The following SH3D21 variants were observed in gnomAD, a reference collection of about 807,000 sequenced individuals.
SH3D21 encodes the protein manchette microtubule inner protein 1.
Under a neutral mutation model 82.1 loss-of-function variants are expected in SH3D21, and 83 were observed. The ratio of observed to expected loss-of-function variants is 1.01; its 90% CI spans 0.85 to 1.21. The LOEUF is 1.21. SH3D21 is among the 50% of genes most tolerant of loss of function. The pLI, the probability that SH3D21 is intolerant of heterozygous loss-of-function variation, is 0.00. For synonymous variants in SH3D21, 383 were observed against 387.8 expected (o/e 0.99, Z 0.15); for missense variants, 980 against 962.1 (o/e 1.02, Z -0.25).
intron 9 of SH3D21, among the ~76,000 whole-genome samples, chr1:36,309,236 G>T (rs1203463700): frequency 6.7e-6 from 1 of 148,496 alleles, no homozygotes; most frequent in African/African-American, 2.5e-5. Context: ...TCGCTCTATT[G>T]CACAGACTAG....
intron 9 of SH3D21, among the ~76,000 whole-genome samples, chr1:36,309,285 C>G (rs1570376030): frequency 6.6e-6 from 1 of 152,022 alleles, no homozygotes; most frequent in African/African-American, 2.4e-5. Context: ...CAACCTCCCC[C>G]TCTCAGGTTC....
At position 36,307,886 on chromosome 1, in the gene SH3D21, A is replaced by G; in HGVS notation, c.493-32A>G. 6.4e-7 allele frequency: 1 copy of G among 1,551,646 alleles called. No homozygotes were observed. Among genetic ancestry groups the G allele is most frequent in the Non-Finnish European group, 8.7e-7 (1 of 1,146,968 alleles). ...TTCCTCTTGGGGTGGTTGGAGGCTC[A>G]TCTAGTTCCTCCCTGCCCCTTCCCC... On this transcript the variant is annotated intron_variant, in intron 6 of 15. Coordinates refer to ENST00000453908, the MANE Select transcript of SH3D21 (RefSeq NM_001162530.2). This position sits in a 1 kb window ranked among gnomAD's most constrained non-coding sequence, Gnocchi z 5.4.
At position 36,321,313 on chromosome 1, in the gene SH3D21, C is replaced by A; in HGVS notation, c.*186C>A. 1 of 1,432,072 alleles carries A rather than the reference C, an allele frequency of 7.0e-7. No homozygotes were observed. The highest frequency in any genetic ancestry group is 9.1e-7 in the Non-Finnish European group (1 of 1,097,794). The allele number at this position is 1,432,072 out of a possible 1,614,324, so 88.7% of individuals were successfully genotyped here. A position where few individuals can be genotyped will look rare whatever the true frequency, so the allele number is the denominator to read the frequency against. ...CGCATTCCTGACGGTCCCTCCCAGGCACATCTGGCCAACATGTGGCTCCCA... is the reference window on the plus strand; with the variant it reads ...CGCATTCCTGACGGTCCCTCCCAGGAACATCTGGCCAACATGTGGCTCCCA... On this transcript the variant is annotated 3_prime_UTR_variant, in exon 16 of 16. Coordinates refer to ENST00000453908, the MANE Select transcript of SH3D21 (RefSeq NM_001162530.2). The surrounding 1 kb of genome is among the most constrained non-coding windows in gnomAD (Gnocchi z 6.1).
At position 36,319,264 on chromosome 1, in the gene SH3D21, T is replaced by A; in HGVS notation, c.868T>A (p.Ser290Thr). The A allele has an allele frequency of 2.6e-6, 4 of 1,551,500 alleles. No individual in the cohort carries two copies. The highest frequency in any genetic ancestry group is 3.5e-6 in the Non-Finnish European group (4 of 1,146,952). ...CCTGATGAAGATATGTTCCAGGACATCTCGGACACCCAGCAGGGACAGTCA... is the reference window on the plus strand; with the variant it reads ...CCTGATGAAGATATGTTCCAGGACAACTCGGACACCCAGCAGGGACAGTCA... ...ATTGPSKAKT[S>T]RTPSRDSQKL... The change falls in exon 12 of 16, where the codon TCT (serine) becomes ACT (threonine). Residue 290 changes from serine (S) to threonine (T), a missense_variant. Ser to Thr is a moderately conservative substitution (Grantham distance 58). Transcript: ENST00000453908.
At position 36,320,334 on chromosome 1, in the gene SH3D21, G is replaced by A; in HGVS notation, c.1671G>A (p.Gly557=). 1 of 1,613,190 alleles carries A rather than the reference G, an allele frequency of 6.2e-7. No individual in the cohort carries two copies. Among genetic ancestry groups the A allele is most frequent in the Admixed American group, 1.7e-5 (1 of 60,002 alleles). The change falls in exon 14 of 16, where the codon GGG becomes GGA. Residue 557 remains glycine, a synonymous_variant. Coordinates refer to ENST00000453908, the MANE Select transcript of SH3D21 (RefSeq NM_001162530.2). The stretch of plus-strand genomic sequence containing the variant: ...AGATGAAATGTACCCTAGTTAGAGG[G>A]GACAGCTCCCCACGCCAGGCTGAGT... ...LGEMKCTLVR[G]DSSPRQAELK... is the part of the protein sequence containing the mutation.
At chr1:36,327,884 C>G, downstream of SH3D21, 3 of 1,289,604 alleles carry the variant, frequency 2.3e-6, no homozygotes, top group Non-Finnish European at 3.0e-6. Flanking sequence ...TGCCTAGCTG[C>G]TTGACTGCCT....
At chr1:36,323,349 T>C (rs1646500986), downstream of SH3D21, 3 of 323,346 alleles carry the variant, frequency 9.3e-6, no homozygotes, top group South Asian at 1.5e-4. Context: ...GGATGGAGGA[T>C]AGGGACGCTG....
chr1:36,321,147 C>T lies in SH3D21; in HGVS notation c.*20C>T, dbSNP rs1404332167. ...TACTGAGGGTGGGCCTGGGAAGGGA[C>T]CGCGGCCTGACCTGGCTGGGGCCAC... is the stretch of plus-strand genomic sequence containing the variant. On this transcript the variant is annotated 3_prime_UTR_variant, in exon 16 of 16. Coordinates refer to ENST00000453908, the MANE Select transcript of SH3D21 (RefSeq NM_001162530.2). The surrounding 1 kb of genome is among the most constrained non-coding windows in gnomAD (Gnocchi z 6.1). The T allele has an allele frequency of 6.2e-7, 1 of 1,606,642 alleles. No individual in the cohort carries two copies. The highest frequency in any genetic ancestry group is 8.5e-7 in the Non-Finnish European group (1 of 1,177,002).
chr1:36,309,691 C>G (rs1239801253), intron 10 of SH3D21, 101 bp downstream of exon 10: 1 of 1,285,922 alleles, frequency 7.8e-7, no homozygotes, highest in Non-Finnish European at 1.1e-6. Flanking sequence ...CCAGTATGCC[C>G]CTATAGGAGC....
At position 36,319,272 on chromosome 1, in the gene SH3D21, A is replaced by G. The variant is rs184814248; in HGVS notation, c.876A>G (p.Thr292=). The G allele has an allele frequency of 1.1e-5, 17 of 1,551,586 alleles. No individual in the cohort carries two copies. The African/African-American group carries it at 2.2e-4, about 20-fold the overall frequency. Residue 292 remains threonine (T), a synonymous_variant, in exon 12 of 16, where the codon ACA becomes ACG. Coordinates refer to ENST00000453908, the MANE Select transcript of SH3D21 (RefSeq NM_001162530.2). The stretch of plus-strand genomic sequence containing the variant: ...AGATATGTTCCAGGACATCTCGGAC[A>G]CCCAGCAGGGACAGTCAGAAGCTCA... ...TGPSKAKTSR[T]PSRDSQKLTS... is the part of the protein sequence containing the mutation.
At chr1:36,327,147 A>T (rs1221229055), downstream of SH3D21, among the ~76,000 whole-genome samples, 1 of 151,564 alleles carries the variant, frequency 6.6e-6, no homozygotes, top group Non-Finnish European at 1.5e-5. Flanking sequence ...GGATGTGATC[A>T]GCCATGTGTG....
chr1:36,306,944 G>A lies in SH3D21; in HGVS notation c.226+39G>A. On this transcript the variant is annotated intron_variant, in intron 3 of 15. Transcript: ENST00000453908. The surrounding 1 kb of genome is among the most constrained non-coding windows in gnomAD (Gnocchi z 4.5). ...CGGGGACGGGCGCCGGTGGGCGGGT[G>A]CACGGAGCCAGTGCGACCCCGGCGT... The A allele has an allele frequency of 1.5e-6, 2 of 1,340,516 alleles. No individual in the cohort carries two copies. The highest frequency in any genetic ancestry group is 4.0e-5 in the East Asian group (1 of 24,834). 83.0% of individuals were successfully genotyped at this position (1,340,516 alleles called of 1,614,324 possible).
chr1:36,307,227 C>A lies in SH3D21; in HGVS notation c.287C>A (p.Pro96Gln), dbSNP rs1417303671. 1.3e-6 allele frequency: 2 copies of A among 1,551,678 alleles called. No homozygotes were observed. The highest frequency in any genetic ancestry group is 1.7e-6 in the Non-Finnish European group (2 of 1,147,030). ...RWCKVNFSYS[P>Q]EQADELKLQA... is the part of the protein sequence containing the mutation. ...TGCAAAGTGAACTTCAGCTACAGCC[C>A]AGAGCAGGCGGACGAGCTGAAGCTG... is the stretch of plus-strand genomic sequence containing the variant. Residue 96 changes from proline to glutamine, a missense_variant, in exon 4 of 16, where the codon CCA (proline) becomes CAA (glutamine). By Grantham distance (76) the Pro-to-Gln change is moderately conservative. Transcript: ENST00000453908. The surrounding 1 kb of genome is among the most constrained non-coding windows in gnomAD (Gnocchi z 5.4).
Position 36,319,146 on chromosome 1 carries a change from C to A in SH3D21, c.845C>A (p.Thr282Asn), listed in dbSNP as rs1298588736. The A allele has an allele frequency of 1.3e-6, 2 of 1,551,610 alleles. No homozygotes were observed. Among genetic ancestry groups the A allele is most frequent in the African/African-American group, 2.7e-5 (2 of 73,010 alleles). The part of the protein sequence containing the change: ...PTVKKLATAT[T>N]GPSKAKTSRT... ...GTCAAGAAGCTAGCAACAGCCACCA[C>A]TGGGCCCAGCAAAGCCAAGTAAGGA... Residue 282 changes from threonine to asparagine, a missense_variant, in exon 11 of 16, where the codon ACT becomes AAT. Transcript: ENST00000453908.
downstream of SH3D21, chr1:36,323,950 C>A (rs1305351842): frequency 1.3e-5 from 2 of 152,230 alleles, no homozygotes; most frequent in African/African-American, 4.8e-5. Context: ...ATCAAATAAA[C>A]GGAGTCTTGG....
chr1:36,323,062 A>C (rs1383218484), downstream of SH3D21: 1 of 1,594,512 alleles, frequency 6.3e-7, no homozygotes. Context: ...CAGCTCCCCT[A>C]CCAGCCTGCG....
chr1:36,312,957 C>T (rs1297001238), intron 10 of SH3D21, among the ~76,000 whole-genome samples: 2 of 152,044 alleles, frequency 1.3e-5, no homozygotes, highest in Non-Finnish European at 2.9e-5. Context: ...TGTGGTCTGC[C>T]CGGCTTGGCC....
chr1:36,313,327 C>CAATA (rs60993866), intron 10 of SH3D21, among the ~76,000 whole-genome samples: 39,063 of 142,436 alleles, frequency 0.27, 6,378 homozygotes, highest in Middle Eastern at 0.42. Context: ...CTCTGTCTCA[C>CAATA]AATAAATAAA....
downstream of SH3D21, chr1:36,322,318 G>C (rs778158171): frequency 5.8e-6 from 9 of 1,555,532 alleles, no homozygotes; most frequent in Admixed American, 1.7e-4. Context: ...ATGCGGCCCA[G>C]GGTGCCCGTG....
Sources: allele counts gnomAD v4.1 joint callset (sites outside exome capture counted in the v4.1 genomes callset), GRCh38; gene constraint gnomAD v4.1.1; non-coding constraint Gnocchi (gnomAD v3.1); transcripts MANE v1.5; gene names NCBI Gene and HGNC (gene_info 2026-07-23, HGNC 2026-07-21).